CASK: variants seen among roughly 807,000 people sequenced by gnomAD.
The protein encoded by CASK is peripheral plasma membrane protein CASK.
In CASK, 4 loss-of-function variants were observed where a neutral mutation model predicts 82.9. That is an observed-to-expected ratio of 0.05 (90% confidence interval 0.02 to 0.11). CASK has a LOEUF of 0.11. CASK is among the 10% of genes least tolerant of loss of function. The pLI is 1.00. For missense variants in CASK, 358 were observed against 720.9 expected, an observed-to-expected ratio of 0.50 and a Z score of 5.76; for synonymous variants, 259 against 253.5, an observed-to-expected ratio of 1.02 and a Z score of -0.20.
At chrX:41,760,299 G>A (rs1214192570) in intron 3 of CASK, among the ~76,000 whole-genome samples, 2 of 111,677 alleles carry the variant, frequency 1.8e-5, no homozygotes, top group East Asian at 5.6e-4. Context: ...TATAAATCAC[G>A]ATGAGTTACA....
At chrX:41,900,587 TTC>T (rs1464564384) in intron 1 of CASK, among the ~76,000 whole-genome samples, 1 of 96,790 alleles carries the variant, frequency 1.0e-5, no homozygotes, top group African/African-American at 3.7e-5. Flanking sequence ...GCTCTAGAAT[TTC>T]TGTTTGGTTC....
intron 3 of CASK, among the ~76,000 whole-genome samples, chrX:41,755,865 AT>A (rs769166757): frequency 6.2e-5 from 7 of 112,180 alleles, no homozygotes; most frequent in Middle Eastern, 9.1e-3. Flanking sequence ...GAAAAGTATG[AT>A]TTTTTTAAGA....
rs754720205 is a variant in CASK, at chrX:41,893,311, C to A, written c.59+29619G>T. 3.6e-5 allele frequency among the ~76,000 whole-genome samples: 4 copies of A among 111,928 alleles called. No homozygotes were observed. In the South Asian group the frequency reaches 1.5e-3, roughly 42 times the overall value. On this transcript the variant is annotated intron_variant, in intron 1 of 26. Transcript: ENST00000378163. ...TTGATATGGAGCTCCAAGAGAAAGC[C>A]CCATGGCCAGGGGCACTGTCAAAAA... is the stretch of plus-strand genomic sequence containing the variant.
intron 2 of CASK, among the ~76,000 whole-genome samples, chrX:41,830,038 T>C (rs1452753932): frequency 9.3e-6 from 1 of 107,832 alleles, no homozygotes; most frequent in Non-Finnish European, 1.9e-5. Flanking sequence ...TCTCACTCTG[T>C]TGCCCAGGCT....
At chrX:41,680,753 T>C (rs1357262781) in intron 5 of CASK, among the ~76,000 whole-genome samples, 1 of 109,093 alleles carries the variant, frequency 9.2e-6, no homozygotes, top group Admixed American at 9.8e-5. Flanking sequence ...CCGTCTCTAC[T>C]AAAAATACAA....
intron 22 of CASK, among the ~76,000 whole-genome samples, chrX:41,537,938 C>T (rs2064898201): frequency 9.2e-6 from 1 of 108,867 alleles, no homozygotes; most frequent in African/African-American, 3.3e-5. Flanking sequence ...GCGGACCTCC[C>T]GGGTTCAAGT....
intron 5 of CASK, among the ~76,000 whole-genome samples, chrX:41,674,480 C>T (rs776285743): frequency 3.6e-5 from 4 of 111,799 alleles, no homozygotes; most frequent in African/African-American, 1.3e-4. Flanking sequence ...AATGTCATGA[C>T]GGGCCAAGAA....
intron 5 of CASK, among the ~76,000 whole-genome samples, chrX:41,704,440 T>C (rs1046645296): frequency 1.8e-5 from 2 of 112,120 alleles, no homozygotes; most frequent in African/African-American, 6.5e-5. Flanking sequence ...TCCAAATACC[T>C]GAGTACAAAT....
chrX:41,725,147 C>T (rs1364101687), intron 5 of CASK, among the ~76,000 whole-genome samples: 5 of 111,171 alleles, frequency 4.5e-5, no homozygotes, highest in Non-Finnish European at 9.4e-5. Flanking sequence ...ATAAAAATAG[C>T]AAAGAAATAA....
chrX:41,919,202 G>C (rs1244988681), intron 1 of CASK: 2 of 112,182 alleles, frequency 1.8e-5, no homozygotes, highest in African/African-American at 6.5e-5. Flanking sequence ...GTGAACTAGA[G>C]AGATCCATAA....
intron 21 of CASK, among the ~76,000 whole-genome samples, chrX:41,551,323 T>A (rs1194754356): frequency 8.9e-6 from 1 of 111,790 alleles, no homozygotes; most frequent in African/African-American, 3.3e-5. Flanking sequence ...TCTTTTGCTT[T>A]GCTCAGTGAC....
intron 8 of CASK, among the ~76,000 whole-genome samples, chrX:41,645,878 T>C (rs2066749315): frequency 9.0e-6 from 1 of 111,343 alleles, no homozygotes. Flanking sequence ...ATTAGGCTTA[T>C]GTGCCTTTTC....
chrX:41,753,486 A>G (rs1416687784), intron 3 of CASK, among the ~76,000 whole-genome samples: 1 of 112,448 alleles, frequency 8.9e-6, no homozygotes, highest in Non-Finnish European at 1.9e-5. Flanking sequence ...TGTTTTAAAA[A>G]ACAGCAAATT....
intron 25 of CASK, among the ~76,000 whole-genome samples, chrX:41,528,718 T>C (rs560877217): frequency 2.7e-5 from 3 of 111,980 alleles, no homozygotes; most frequent in African/African-American, 9.8e-5. Context: ...TCTAAGAAGC[T>C]GGAGTGGGAA....
chrX:41,832,806 C>T (rs2070850054), intron 2 of CASK, among the ~76,000 whole-genome samples: 2 of 112,171 alleles, frequency 1.8e-5, no homozygotes, highest in Admixed American at 9.5e-5. Flanking sequence ...ATAACTCATG[C>T]CTGAATGACA....
chrX:41,622,670 A>C (rs576381237), intron 10 of CASK, 36 bp from the exon 11 acceptor site: 7 of 1,154,666 alleles, frequency 6.1e-6, no homozygotes, highest in Non-Finnish European at 8.2e-6. Context: ...AACAACAAAC[A>C]GTATGATTTT....
chrX:41,691,407 A>C (rs1303051611), intron 5 of CASK, among the ~76,000 whole-genome samples: 2 of 112,008 alleles, frequency 1.8e-5, no homozygotes, highest in Non-Finnish European at 1.9e-5. Context: ...AAAATTGTTA[A>C]AGTGTATGTT....
At chrX:41,699,216 C>G (rs773333435) in intron 5 of CASK, among the ~76,000 whole-genome samples, 1 of 111,416 alleles carries the variant, frequency 9.0e-6, no homozygotes, top group East Asian at 2.8e-4. Flanking sequence ...TGAGCCACCG[C>G]GCCCGGCCAG....
intron 3 of CASK, among the ~76,000 whole-genome samples, chrX:41,767,522 T>G (rs768143508): frequency 8.9e-6 from 1 of 112,190 alleles, no homozygotes; most frequent in South Asian, 3.7e-4. Flanking sequence ...AGACTTTACC[T>G]GGACTTCATC....
Sources: gnomAD v4.1 joint callset for allele counts (sites outside exome capture counted in the v4.1 genomes callset) on GRCh38, gnomAD v4.1.1 for gene constraint, MANE v1.5 for transcripts, NCBI Gene and HGNC (gene_info 2026-07-23, HGNC 2026-07-21) for gene names.